Variants in PRORP observed in about 807,000 individuals in gnomAD.
PRORP encodes the protein mitochondrial ribonuclease P catalytic subunit.
A neutral mutation model predicts 59.4 loss-of-function variants in PRORP; 51 were observed. The observed-to-expected ratio is 0.86, with a 90% CI of 0.69 to 1.08. PRORP has a LOEUF of 1.08. Among genes scored for constraint, PRORP ranks in the 50% least tolerant of loss-of-function variants. The pLI, the probability that PRORP is intolerant of heterozygous loss-of-function variation, is 0.00. For synonymous variants in PRORP, 231 were observed against 245.6 expected, an observed-to-expected ratio of 0.94 and a Z score of 0.55; for missense variants, 646 against 690.3, an observed-to-expected ratio of 0.94 and a Z score of 0.72.
At chr14:35,238,386 G>A (rs1316036844) in intron 5 of PRORP, among the ~76,000 whole-genome samples, 2 of 152,246 alleles carry the variant, frequency 1.3e-5, no homozygotes, top group Admixed American at 6.5e-5. Flanking sequence ...GCCTACCAAT[G>A]CCAGAAATTA....
chr14:35,130,061 C>T (rs1217602290), intron 4 of PRORP, among the ~76,000 whole-genome samples: 7 of 139,740 alleles, frequency 5.0e-5, no homozygotes, highest in Non-Finnish European at 7.6e-5. Flanking sequence ...GACGGAGTCT[C>T]GCTCTGTTGC....
chr14:35,141,241 T>A lies in PRORP; in HGVS notation c.1167+13630T>A. 1.4e-5 allele frequency among the ~76,000 whole-genome samples: 2 copies of A among 144,590 alleles called. 1 individual carries two copies. Among genetic ancestry groups the A allele is most frequent in the Non-Finnish European group, 3.1e-5 (2 of 65,202 alleles). 94.9% of individuals were successfully genotyped at this position (144,590 alleles called of 152,430 possible). On this transcript the variant is annotated intron_variant, in intron 4 of 7. Transcript: ENST00000534898. ...TTATTTTCCTTCCTTCTTTTTCTTT[T>A]TTTTTTTGTTTTTGTTTGTTTGTTT...
rs143463703 is a variant in PRORP at position 35,154,923 on chromosome 14, C to T, written c.1168-25747C>T. Among the ~76,000 whole-genome samples, 109 of 151,776 alleles carry T rather than the reference C, an allele frequency of 7.2e-4. 1 individual carries two copies. Among genetic ancestry groups the T allele is most frequent in the African/African-American group, 2.6e-3 (106 of 41,352 alleles). ...AACTCTTTTTTTTTTGAGGCAGGGT[C>T]TCAATCTGTTACCCAGGCTGGAGTG... On this transcript the variant is annotated intron_variant, in intron 4 of 7. Transcript: ENST00000534898.
chr14:35,189,941 TC>T (rs1341463837), intron 5 of PRORP, among the ~76,000 whole-genome samples: 5 of 151,524 alleles, frequency 3.3e-5, no homozygotes, highest in Non-Finnish European at 7.4e-5. Flanking sequence ...AAACCCTGTC[TC>T]TACTAAAAAT....
chr14:35,140,347 G>A (rs2047456312), intron 4 of PRORP, among the ~76,000 whole-genome samples: 1 of 145,266 alleles, frequency 6.9e-6, no homozygotes, highest in Non-Finnish European at 1.5e-5. Context: ...CATCCTGGCT[G>A]ATGCTTAGTA....
intron 5 of PRORP, among the ~76,000 whole-genome samples, chr14:35,264,647 A>T (rs76396304): frequency 0.011 from 1,681 of 152,274 alleles, 24 homozygotes; most frequent in African/African-American, 0.038. Context: ...GAGTGGACAA[A>T]AATTCAATAT....
chr14:35,199,206 G>A lies in PRORP; in HGVS notation c.1275+18429G>A, dbSNP rs550574789. Among the ~76,000 whole-genome samples the A allele has an allele frequency of 9.9e-5, 15 of 151,600 alleles. No homozygotes were observed. In the East Asian group the frequency reaches 1.9e-3, roughly 20 times the overall value. ...AAAAATTAGCTGGACATGGTGGTGC[G>A]TGCCTGTAGTCCCAGCTACTCGGGA... On this transcript the variant is annotated intron_variant, in intron 5 of 7. Coordinates refer to ENST00000534898, the MANE Select transcript of PRORP (RefSeq NM_014672.4).
Position 35,141,293 on chromosome 14 carries a change from A to C in PRORP, c.1167+13682A>C, listed in dbSNP as rs141985553. On this transcript the variant is annotated intron_variant, in intron 4 of 7. Transcript: ENST00000534898. ...GTTTTGTTTTTTGAGACAAGTTCTT[A>C]CTATTCACCCAGGCTGGAATACAGT... Among the ~76,000 whole-genome samples the C allele has an allele frequency of 1.6e-3, 219 of 133,582 alleles. 4 individuals are homozygous for C. The highest frequency in any genetic ancestry group is 5.6e-3 in the African/African-American group (211 of 37,552). 87.6% of individuals were successfully genotyped at this position (133,582 alleles called of 152,430 possible). A position where few individuals can be genotyped will look rare whatever the true frequency, so the allele number is the denominator to read the frequency against.
chr14:35,259,440 T>TA (rs1351761987), intron 5 of PRORP, among the ~76,000 whole-genome samples: 4 of 152,230 alleles, frequency 2.6e-5, no homozygotes, highest in Non-Finnish European at 5.9e-5. Context: ...GTAGACTTTT[T>TA]ATACCTCATA....
At chr14:35,190,417 A>G (rs900622899) in intron 5 of PRORP, among the ~76,000 whole-genome samples, 1 of 150,308 alleles carries the variant, frequency 6.7e-6, no homozygotes, top group East Asian at 2.0e-4. Context: ...AAAAAAAAAA[A>G]GTATTGCAAA....
intron 5 of PRORP, among the ~76,000 whole-genome samples, chr14:35,251,642 C>T (rs570254624): frequency 5.9e-5 from 9 of 152,258 alleles, no homozygotes; most frequent in Non-Finnish European, 8.8e-5. Flanking sequence ...GCAACTTCTG[C>T]CTCCTGGGTT....
At chr14:35,244,409 T>G (rs1409932734) in intron 5 of PRORP, among the ~76,000 whole-genome samples, 1 of 152,134 alleles carries the variant, frequency 6.6e-6, no homozygotes, top group Non-Finnish European at 1.5e-5. Flanking sequence ...TTAAATTCTT[T>G]TTTTCTCTTA....
chr14:35,252,211 G>A (rs914622537), intron 5 of PRORP, among the ~76,000 whole-genome samples: 8 of 152,134 alleles, frequency 5.3e-5, no homozygotes, highest in Admixed American at 2.0e-4. Flanking sequence ...GACTGCTTAA[G>A]CCCAGGAGTT....
chr14:35,212,429 A>G (rs189367556), intron 5 of PRORP, among the ~76,000 whole-genome samples: 2 of 152,360 alleles, frequency 1.3e-5, no homozygotes, highest in East Asian at 3.9e-4. Flanking sequence ...TATTTCTGAA[A>G]TAATAAGATT....
intron 5 of PRORP, among the ~76,000 whole-genome samples, chr14:35,223,380 A>G (rs1169413045): frequency 6.6e-6 from 1 of 151,724 alleles, no homozygotes; most frequent in Non-Finnish European, 1.5e-5. Flanking sequence ...AATAGAACAT[A>G]CTTTACTAAT....
chr14:35,236,572 C>T (rs2050220596), intron 5 of PRORP, among the ~76,000 whole-genome samples: 1 of 152,204 alleles, frequency 6.6e-6, no homozygotes, highest in Admixed American at 6.5e-5. Context: ...CTTTATCACT[C>T]TTTTTCTGCA....
chr14:35,206,219 C>G (rs1204186700), intron 5 of PRORP, among the ~76,000 whole-genome samples: 3 of 152,192 alleles, frequency 2.0e-5, no homozygotes, highest in African/African-American at 7.2e-5. Flanking sequence ...TTTTGATCCT[C>G]TAGTCTTTCT....
At chr14:35,156,857 A>G (rs1227884180) in intron 4 of PRORP, among the ~76,000 whole-genome samples, 2 of 152,194 alleles carry the variant, frequency 1.3e-5, no homozygotes, top group East Asian at 3.8e-4. Context: ...GAATCATTAG[A>G]CTTAGGTGAA....
intron 5 of PRORP, among the ~76,000 whole-genome samples, chr14:35,183,946 A>C (rs2048681202): frequency 6.6e-6 from 1 of 152,146 alleles, no homozygotes; most frequent in African/African-American, 2.4e-5. Flanking sequence ...ATTACCTATA[A>C]GTGTACATAA....
Sources: gnomAD v4.1 joint callset for allele counts (sites outside exome capture counted in the v4.1 genomes callset) on GRCh38, gnomAD v4.1.1 for gene constraint, MANE v1.5 for transcripts, NCBI Gene and HGNC (gene_info 2026-07-23, HGNC 2026-07-21) for gene names.